Variants in FAM149A observed in about 807,000 individuals in gnomAD.
FAM149A encodes the protein protein FAM149A.
FAM149A carries 71 observed loss-of-function variants against 78.2 expected under a neutral mutation model. That is an observed-to-expected ratio of 0.91 (90% CI 0.75 to 1.11). The LOEUF (loss-of-function observed/expected upper bound fraction) is 1.11. FAM149A is among the 50% of genes least tolerant of loss of function. The pLI, the probability that FAM149A is intolerant of heterozygous loss-of-function variation, is 0.00. For missense variants in FAM149A, 1,036 were observed against 971.0 expected, an observed-to-expected ratio of 1.07 and a Z score of -0.89; for synonymous variants, 446 against 410.5, an observed-to-expected ratio of 1.09 and a Z score of -1.04.
Position 186,127,784 on chromosome 4 carries a change from C to T in FAM149A, c.567-21389C>T, listed in dbSNP as rs2099318989. 8.5e-6 allele frequency: 4 copies of T among 468,602 alleles called. No individual in the cohort carries two copies. The South Asian group carries it at 3.6e-4, about 42-fold the overall frequency. 29.0% of individuals were successfully genotyped at this position (468,602 alleles called of 1,614,324 possible). A position where few individuals can be genotyped will look rare whatever the true frequency, so the allele number is the denominator to read the frequency against. On this transcript the variant is annotated intron_variant, in intron 1 of 13. Coordinates refer to ENST00000389354, the MANE Select transcript of FAM149A (RefSeq NM_001367768.3). ...CCCTGCAACCTCTGCCTTCCAAGTT[C>T]AAGCAATTCTCCTGCCTCAGCCTCT... is the stretch of plus-strand genomic sequence containing the variant.
intron 1 of FAM149A, among the ~76,000 whole-genome samples, chr4:186,138,668 G>A (rs7660977): frequency 0.7 from 106,785 of 151,938 alleles, 40,188 homozygotes; most frequent in Non-Finnish European, 0.84. Flanking sequence ...GTAGAAGGCC[G>A]CTCCGCTGGG....
At chr4:186,109,806 T>C in intron 1 of FAM149A, 1 of 985,116 alleles carries the variant, frequency 1.0e-6, no homozygotes. Context: ...CTGTAATAAA[T>C]GGTGTCTTTT....
chr4:186,105,225 C>G lies in FAM149A; in HGVS notation c.149C>G (p.Thr50Ser). Residue 50 changes from threonine (T) to serine (S), a missense_variant, in exon 1 of 14, where the codon ACC becomes AGC. Physicochemically the swap from Thr to Ser is moderately conservative, Grantham distance 58 (BLOSUM62 1). This residue lies in a region of FAM149A where 316 missense variants were observed against 241.9 expected (regional missense o/e 1.31). Transcript: ENST00000389354. ...TCCAGGGCGGGCACCCCGTTGGGTA[C>G]CGCCCCGACCCTCCTCCGCGCCCTG... is the stretch of plus-strand genomic sequence containing the variant. The G allele has an allele frequency of 1.6e-6, 2 of 1,251,438 alleles. No homozygotes were observed. The highest frequency in any genetic ancestry group is 2.1e-6 in the Non-Finnish European group (2 of 973,348). 77.5% of individuals were successfully genotyped at this position (1,251,438 alleles called of 1,614,324 possible).
rs2099308187 is a variant in FAM149A, at chr4:186,104,978, G to T, written c.-99G>T. ...GGGGCCTCCGGGGCTCCGGGTGCGG[G>T]GACCTCAGGCTCCTCGCCCCGGCCC... On this transcript the variant is annotated 5_prime_UTR_variant, in exon 1 of 14. Transcript: ENST00000389354. 8.4e-7 allele frequency: 1 copy of T among 1,193,804 alleles called. No homozygotes were observed. The highest frequency in any genetic ancestry group is 1.1e-6 in the Non-Finnish European group (1 of 948,060). 74.0% of individuals were successfully genotyped at this position (1,193,804 alleles called of 1,614,324 possible). A position where few individuals can be genotyped will look rare whatever the true frequency, so the allele number is the denominator to read the frequency against.
rs1238035777 is a variant in FAM149A, at chr4:186,149,410, C to T, written c.677+127C>T. 8.3e-6 allele frequency: 9 copies of T among 1,087,326 alleles called. No homozygotes were observed. The East Asian group carries it at 5.4e-4, about 65-fold the overall frequency. The allele number at this position is 1,087,326 out of a possible 1,614,324, so 67.4% of individuals were successfully genotyped here. Reference sequence around the variant, plus strand: ...AGTTTTATTTTTAACCTAGTGTAAACATCACACTGTAAAAATATTTCAAAA... The same window carrying T: ...AGTTTTATTTTTAACCTAGTGTAAATATCACACTGTAAAAATATTTCAAAA... On this transcript the variant is annotated intron_variant, in intron 2 of 13. Transcript: ENST00000389354.
chr4:186,149,575 G>A (rs1394792303), intron 2 of FAM149A: 1 of 1,289,758 alleles, frequency 7.8e-7, no homozygotes, highest in Non-Finnish European at 1.0e-6. Flanking sequence ...GCAAATCCTT[G>A]TCATCCTTTT....
At chr4:186,111,222 A>C (rs867728302) in intron 1 of FAM149A, among the ~76,000 whole-genome samples, 1 of 150,758 alleles carries the variant, frequency 6.6e-6, no homozygotes, top group Admixed American at 6.6e-5. Flanking sequence ...CATGTCCTTC[A>C]CCCACTTTTT....
rs780104069 is a variant in FAM149A, at chr4:186,153,641, G to A, written c.933-4G>A. On this transcript the variant is annotated splice_region_variant and splice_polypyrimidine_tract_variant and intron_variant, in intron 4 of 13. Transcript: ENST00000389354. ...ATGTCAGTAGCTTCTCTTTGACCTC[G>A]CAGAGTATTAGGAAGACAGCTGATC... The A allele has an allele frequency of 2.3e-5, 37 of 1,609,596 alleles. No individual in the cohort carries two copies. Among genetic ancestry groups the A allele is most frequent in the African/African-American group, 4.0e-5 (3 of 74,780 alleles).
At position 186,105,574 on chromosome 4, in the gene FAM149A, C is replaced by G. The variant is rs1425780634; in HGVS notation, c.498C>G (p.Thr166=). ...TGGCCCCCGGGGCTGGCCCCAGAAC[C>G]CTGTTCCTTACGCTGCCTGACATCG... is the stretch of plus-strand genomic sequence containing the variant. Residue 166 remains threonine, a synonymous_variant, in exon 1 of 14, where the codon ACC becomes ACG. Coordinates refer to ENST00000389354, the MANE Select transcript of FAM149A (RefSeq NM_001367768.3). 4 of 1,092,132 alleles carry G rather than the reference C, an allele frequency of 3.7e-6. No individual in the cohort carries two copies. The highest frequency in any genetic ancestry group is 1.2e-4 in the Admixed American group (2 of 16,900). The allele number at this position is 1,092,132 out of a possible 1,614,324, so 67.7% of individuals were successfully genotyped here.
chr4:186,161,375 C>T (rs888861354), intron 8 of FAM149A, among the ~76,000 whole-genome samples: 15 of 152,158 alleles, frequency 9.9e-5, no homozygotes, highest in African/African-American at 3.6e-4. Flanking sequence ...ACCTGTGCTT[C>T]GGGGAGCAGT....
intron 1 of FAM149A, among the ~76,000 whole-genome samples, chr4:186,137,427 G>A (rs1052342933): frequency 1.1e-4 from 17 of 152,120 alleles, no homozygotes; most frequent in African/African-American, 3.9e-4. Context: ...GGTATGATAT[G>A]TGCATGGTAC....
chr4:186,144,542 TCTG>T lies in FAM149A; in HGVS notation c.567-4630_567-4628del, dbSNP rs1326661067. ...ATGGTCCTGTGGTTCTCTGCCTTCT[TCTG>T]GTGAATTAAAATCCGATTTGGAAGA... On this transcript the variant is annotated intron_variant, in intron 1 of 13. Coordinates refer to ENST00000389354, the MANE Select transcript of FAM149A (RefSeq NM_001367768.3). This position sits in a 1 kb window ranked among gnomAD's most constrained non-coding sequence, Gnocchi z 4.2. 1.3e-5 allele frequency: 2 copies of T among 152,422 alleles called. No homozygotes were observed. Among genetic ancestry groups the T allele is most frequent in the Non-Finnish European group, 2.9e-5 (2 of 68,302 alleles). The allele number at this position is 152,422 out of a possible 1,614,324, so 9.4% of individuals were successfully genotyped here.
At position 186,155,984 on chromosome 4, in the gene FAM149A, G is replaced by A. The variant is rs1734007515; in HGVS notation, c.1230-16G>A. 2.5e-6 allele frequency: 4 copies of A among 1,603,110 alleles called. No individual in the cohort carries two copies. Among genetic ancestry groups the A allele is most frequent in the Non-Finnish European group, 3.4e-6 (4 of 1,174,584 alleles). ...GCATTGATCTTTTAGTAATTGGAGT[G>A]GGTTTTTATTCTTAGTGATGATGAA... On this transcript the variant is annotated splice_polypyrimidine_tract_variant and intron_variant, in intron 6 of 13. Transcript: ENST00000389354.
chr4:186,149,531 A>G lies in FAM149A; in HGVS notation c.678-62A>G. 3.1e-6 allele frequency: 4 copies of G among 1,289,732 alleles called. No individual in the cohort carries two copies. The South Asian group carries it at 4.9e-5, about 16-fold the overall frequency. The allele number at this position is 1,289,732 out of a possible 1,614,324, so 79.9% of individuals were successfully genotyped here. A position where few individuals can be genotyped will look rare whatever the true frequency, so the allele number is the denominator to read the frequency against. On this transcript the variant is annotated intron_variant, in intron 2 of 13. Transcript: ENST00000389354. ...ACTTAGCCATCCAAGCCCTTCCAGCAAATGTGATTTCTTTGCTCATGTTCA... is the reference window on the plus strand; with the variant it reads ...ACTTAGCCATCCAAGCCCTTCCAGCGAATGTGATTTCTTTGCTCATGTTCA...
Position 186,173,179 on chromosome 4 carries a change from A to G in FAM149A, c.*1192A>G, listed in dbSNP as rs2126566811. On this transcript the variant is annotated 3_prime_UTR_variant, in exon 14 of 14. Coordinates refer to ENST00000389354, the MANE Select transcript of FAM149A (RefSeq NM_001367768.3). ...TAAATGCATAATAAATTACTTTCAG[A>G]CTATTTCTGGCTGTAAGGAGAAGGG... 8.9e-6 allele frequency among the ~76,000 whole-genome samples: 1 copy of G among 111,986 alleles called. No homozygotes were observed. The highest frequency in any genetic ancestry group is 2.2e-4 in the East Asian group (1 of 4,500). 73.5% of individuals were successfully genotyped at this position (111,986 alleles called of 152,430 possible).
intron 1 of FAM149A, among the ~76,000 whole-genome samples, chr4:186,120,543 C>T (rs1459246053): frequency 6.6e-6 from 1 of 151,888 alleles, no homozygotes; most frequent in East Asian, 1.9e-4. Flanking sequence ...CCTGTAATCC[C>T]AGCACTTTGG....
chr4:186,113,766 T>C (rs2099312300), intron 1 of FAM149A, among the ~76,000 whole-genome samples: 1 of 151,356 alleles, frequency 6.6e-6, no homozygotes. Context: ...AGATAGTTTG[T>C]TATAATCTCT....
Position 186,172,045 on chromosome 4 carries a change from GA to G in FAM149A, c.*63del. On this transcript the variant is annotated 3_prime_UTR_variant, in exon 14 of 14. Coordinates refer to ENST00000389354, the MANE Select transcript of FAM149A (RefSeq NM_001367768.3). ...GGCCTCGGCACACTGCTTATCACTTGAAAAATGGAGGAACAAGTGTTATATT... is the reference window on the plus strand; with the variant it reads ...GGCCTCGGCACACTGCTTATCACTTGAAAATGGAGGAACAAGTGTTATATT... The G allele has an allele frequency of 1.3e-6, 2 of 1,579,596 alleles. No homozygotes were observed. Among genetic ancestry groups the G allele is most frequent in the East Asian group, 2.3e-5 (1 of 43,554 alleles).
At position 186,165,348 on chromosome 4, in the gene FAM149A, A is replaced by G; in HGVS notation, c.1894A>G (p.Thr632Ala). The G allele has an allele frequency of 1.9e-6, 3 of 1,614,174 alleles. No homozygotes were observed. The highest frequency in any genetic ancestry group is 2.5e-6 in the Non-Finnish European group (3 of 1,180,026). Reference sequence around the variant, plus strand: ...TGACATGATGATGTGTTGCAGGCCGACTGGCGTGGACCACATGGCTTCCCC... The same window carrying G: ...TGACATGATGATGTGTTGCAGGCCGGCTGGCGTGGACCACATGGCTTCCCC... Residue 632 changes from threonine (T) to alanine (A), a missense_variant, in exon 11 of 14, where the codon ACT (threonine) becomes GCT (alanine). This residue lies in a region of FAM149A where 716 missense variants were observed against 711.8 expected (regional missense o/e 1.01). Coordinates refer to ENST00000389354, the MANE Select transcript of FAM149A (RefSeq NM_001367768.3).
Sources: allele counts gnomAD v4.1 joint callset (sites outside exome capture counted in the v4.1 genomes callset), GRCh38; gene constraint gnomAD v4.1.1; regional missense constraint gnomAD v4.1.1; non-coding constraint Gnocchi (gnomAD v3.1); transcripts MANE v1.5; gene names NCBI Gene and HGNC (gene_info 2026-07-23, HGNC 2026-07-21).